Variants in CIB4 observed in about 807,000 individuals in gnomAD.
CIB4 encodes calcium and integrin-binding family member 4.
A neutral mutation model predicts 25.8 loss-of-function variants in CIB4; 25 were observed. That is an observed-to-expected ratio of 0.97 (90% CI 0.71 to 1.35). CIB4 has a LOEUF of 1.35. CIB4 is among the 40% of genes most tolerant of loss of function. The probability of loss-of-function intolerance (pLI) is 0.00; values close to 1 mark genes in which losing one functional copy is unlikely to be tolerated. For missense variants in CIB4, 235 were observed against 228.2 expected, an observed-to-expected ratio of 1.03 and a Z score of -0.19; for synonymous variants, 75 against 81.4, an observed-to-expected ratio of 0.92 and a Z score of 0.42.
intron 2 of CIB4, among the ~76,000 whole-genome samples, chr2:26,632,749 C>T (rs1572573490): frequency 1.5e-5 from 2 of 133,798 alleles, no homozygotes; most frequent in Non-Finnish European, 3.1e-5. Flanking sequence ...CAGAGTGAGA[C>T]TCCATCTCAA....
rs533280840 is a variant in CIB4, at chr2:26,600,669, G to A, written c.187-5352C>T. The stretch of plus-strand genomic sequence containing the variant: ...TAGGTGAGCAGAGCCCATGTCCTGG[G>A]AGAAGGGTGTAACAAAACCTTTTGT... On this transcript the variant is annotated intron_variant, in intron 3 of 6. Coordinates refer to ENST00000288861, the MANE Select transcript of CIB4 (RefSeq NM_001029881.3). Among the ~76,000 whole-genome samples, 191 of 152,254 alleles carry A rather than the reference G, an allele frequency of 1.3e-3. 1 individual carries two copies. The highest frequency in any genetic ancestry group is 4.4e-3 in the African/African-American group (184 of 41,542).
At chr2:26,596,573 G>A (rs567897426) in intron 3 of CIB4, among the ~76,000 whole-genome samples, 11 of 152,082 alleles carry the variant, frequency 7.2e-5, no homozygotes, top group Admixed American at 3.3e-4. Context: ...GTGAAACCCC[G>A]TCTCTACTAA....
intron 2 of CIB4, among the ~76,000 whole-genome samples, chr2:26,632,757 CAA>C (rs58312058): frequency 9.9e-4 from 119 of 120,084 alleles, no homozygotes; most frequent in East Asian, 1.6e-3. Flanking sequence ...GACTCCATCT[CAA>C]AAAAAAAAAA....
chr2:26,624,800 A>G (rs1473398656), intron 3 of CIB4, among the ~76,000 whole-genome samples: 2 of 151,908 alleles, frequency 1.3e-5, no homozygotes, highest in African/African-American at 4.8e-5. Flanking sequence ...GAAAAAATGA[A>G]TAAGACCTAC....
At chr2:26,598,630 G>A (rs1235257822) in intron 3 of CIB4, among the ~76,000 whole-genome samples, 1 of 152,230 alleles carries the variant, frequency 6.6e-6, no homozygotes, top group Non-Finnish European at 1.5e-5. Context: ...GGGGACCCAG[G>A]AGTGGCTAGT....
chr2:26,605,080 A>G (rs1293367212), intron 3 of CIB4, among the ~76,000 whole-genome samples: 1 of 152,224 alleles, frequency 6.6e-6, no homozygotes, highest in Non-Finnish European at 1.5e-5. Context: ...AGAAAATGTT[A>G]TTTGAACACA....
At chr2:26,603,403 A>G (rs1668831281) in intron 3 of CIB4, among the ~76,000 whole-genome samples, 1 of 152,192 alleles carries the variant, frequency 6.6e-6, no homozygotes, top group Non-Finnish European at 1.5e-5. Context: ...AGTAAATATA[A>G]AAATACCTAT....
chr2:26,615,178 T>C (rs992259754), intron 3 of CIB4, among the ~76,000 whole-genome samples: 2 of 152,214 alleles, frequency 1.3e-5, no homozygotes, highest in Non-Finnish European at 2.9e-5. Context: ...ACAGTCTGAA[T>C]GCTACTTCCC....
intron 3 of CIB4, among the ~76,000 whole-genome samples, chr2:26,604,896 A>G (rs750683107): frequency 9.2e-5 from 14 of 152,210 alleles, no homozygotes; most frequent in Non-Finnish European, 4.4e-5. Flanking sequence ...AAGGATATGA[A>G]AGACTTAAAA....
At chr2:26,594,309 A>G (rs1243862566) in intron 4 of CIB4, among the ~76,000 whole-genome samples, 1 of 152,202 alleles carries the variant, frequency 6.6e-6, no homozygotes, top group African/African-American at 2.4e-5. Context: ...CTGAGGACAT[A>G]TGAGATAAAA....
At chr2:26,623,558 A>T in intron 3 of CIB4, 1 of 471,494 alleles carries the variant, frequency 2.1e-6, no homozygotes, top group South Asian at 1.5e-5. Flanking sequence ...TTTGGGAGAT[A>T]CATAGAAACC....
chr2:26,600,677 T>A (rs1446110041), intron 3 of CIB4, among the ~76,000 whole-genome samples: 1 of 152,070 alleles, frequency 6.6e-6, no homozygotes. Flanking sequence ...GGGAGAAGGG[T>A]GTAACAAAAC....
intron 4 of CIB4, among the ~76,000 whole-genome samples, chr2:26,587,570 C>A (rs1005373393): frequency 4.6e-5 from 7 of 151,752 alleles, no homozygotes; most frequent in Admixed American, 6.6e-5. Context: ...ATGGACATCA[C>A]CTGGAATATA....
At chr2:26,585,773 C>T (rs1158595421) in intron 4 of CIB4, among the ~76,000 whole-genome samples, 5 of 152,034 alleles carry the variant, frequency 3.3e-5, no homozygotes, top group African/African-American at 4.8e-5. Flanking sequence ...GGTTTCTCCC[C>T]GAACTCCAGG....
chr2:26,599,527 G>A (rs1353734487), intron 3 of CIB4, among the ~76,000 whole-genome samples: 1 of 151,948 alleles, frequency 6.6e-6, no homozygotes, highest in East Asian at 1.9e-4. Context: ...GTCAAAAAAA[G>A]CTTTTTACAG....
chr2:26,612,599 A>C (rs1669017261), intron 3 of CIB4, among the ~76,000 whole-genome samples: 1 of 150,526 alleles, frequency 6.6e-6, no homozygotes. Context: ...ACCACTGCCA[A>C]CTGCCTGGCC....
At chr2:26,634,364 G>C (rs1021096495) in intron 2 of CIB4, among the ~76,000 whole-genome samples, 1 of 152,162 alleles carries the variant, frequency 6.6e-6, no homozygotes, top group Non-Finnish European at 1.5e-5. Context: ...TCTGCTACTT[G>C]CAATCTGTGT....
rs1668419269 is a variant in CIB4 at position 26,584,817 on chromosome 2, G to A, written c.329-919C>T. Among the ~76,000 whole-genome samples, 7 of 152,270 alleles carry A rather than the reference G, an allele frequency of 4.6e-5. No homozygotes were observed. In the South Asian group the frequency reaches 1.5e-3, roughly 32 times the overall value. ...TGGGGAGCCCTGGGGACTCTGGGGT[G>A]GGTGGCAGTGGGGGCAGCACCGGGA... On this transcript the variant is annotated intron_variant, in intron 4 of 6. Coordinates refer to ENST00000288861, the MANE Select transcript of CIB4 (RefSeq NM_001029881.3).
intron 3 of CIB4, among the ~76,000 whole-genome samples, chr2:26,611,389 G>A (rs1668992444): frequency 6.6e-6 from 1 of 152,256 alleles, no homozygotes; most frequent in Non-Finnish European, 1.5e-5. Flanking sequence ...CCTTTATGGA[G>A]TCATGTCAAC....
Sources: gnomAD v4.1 joint callset for allele counts (sites outside exome capture counted in the v4.1 genomes callset) on GRCh38, gnomAD v4.1.1 for gene constraint, MANE v1.5 for transcripts, NCBI Gene and HGNC (gene_info 2026-07-23, HGNC 2026-07-21) for gene names.